CMC1: variants seen among roughly 807,000 people sequenced by gnomAD.
CMC1 encodes the protein COX assembly mitochondrial protein homolog.
A neutral mutation model predicts 14.1 loss-of-function variants in CMC1; 14 were observed. The observed-to-expected ratio is 0.99, with a 90% CI of 0.66 to 1.55. The LOEUF (loss-of-function observed/expected upper bound fraction) is 1.55, where lower values mean the gene tolerates loss of function less well. Ranked by LOEUF, CMC1 falls within the 40% of genes most tolerant of loss-of-function variation. The pLI is 0.00. For missense variants in CMC1, 127 were observed against 123.8 expected (o/e 1.03, Z -0.12); for synonymous variants, 50 against 38.4 (o/e 1.30, Z -1.12).
chr3:28,294,278 A>AC (rs1412369691), intron 2 of CMC1, among the ~76,000 whole-genome samples: 1 of 151,648 alleles, frequency 6.6e-6, no homozygotes, highest in Non-Finnish European at 1.5e-5. Flanking sequence ...TACAAAATTT[A>AC]CCCCCCCTTG....
In CMC1 at chr3:28,324,251, T is replaced by G. The variant is rs766128695; in HGVS notation, c.*4622T>G. On this transcript the variant is annotated 3_prime_UTR_variant, in exon 4 of 4. Coordinates refer to ENST00000466830, the MANE Select transcript of CMC1 (RefSeq NM_182523.2). Reference sequence around the variant, plus strand: ...CATGTACCATCATTAGGAATGGATCTCTCATTGTCTGTCCATGATTGGAGG... The same window carrying G: ...CATGTACCATCATTAGGAATGGATCGCTCATTGTCTGTCCATGATTGGAGG... 1 of 1,610,128 alleles carries G rather than the reference T, an allele frequency of 6.2e-7. No homozygotes were observed.
chr3:28,294,212 CA>C (rs1701628557), intron 2 of CMC1, among the ~76,000 whole-genome samples: 2 of 151,952 alleles, frequency 1.3e-5, no homozygotes, highest in South Asian at 2.1e-4. Flanking sequence ...TGAGCTCTGT[CA>C]AAAAAATTAC....
chr3:28,284,728 TTCTGTGTG>T (rs1701085846), intron 2 of CMC1, among the ~76,000 whole-genome samples: 1 of 150,708 alleles, frequency 6.6e-6, no homozygotes, highest in African/African-American at 2.5e-5. Flanking sequence ...GTTGTTAGAT[TTCTGTGTG>T]TGTGTGTGTG....
intron 1 of CMC1, among the ~76,000 whole-genome samples, chr3:28,257,156 G>C (rs1286067287): frequency 1.3e-5 from 2 of 152,016 alleles, no homozygotes; most frequent in Non-Finnish European, 2.9e-5. Flanking sequence ...TAAGCTAATC[G>C]ATTTTAAATT....
intron 2 of CMC1, among the ~76,000 whole-genome samples, chr3:28,297,672 A>G (rs1701801618): frequency 1.3e-5 from 2 of 152,112 alleles, no homozygotes; most frequent in South Asian, 4.1e-4. Flanking sequence ...AGTGTTTTAG[A>G]AAACAAAGTT....
chr3:28,253,187 TAGTG>T (rs1699219198), intron 1 of CMC1, among the ~76,000 whole-genome samples: 1 of 152,170 alleles, frequency 6.6e-6, no homozygotes, highest in Non-Finnish European at 1.5e-5. Flanking sequence ...GTGAAGCACT[TAGTG>T]AGAACTAACA....
intron 2 of CMC1, 104 bp from the exon 3 acceptor site, chr3:28,316,229 G>C: frequency 1.7e-6 from 1 of 598,470 alleles, no homozygotes; most frequent in South Asian, 2.4e-5. Flanking sequence ...TCCAGCCTGG[G>C]TGACAGGCTT....
At chr3:28,311,906 A>G (rs1702655258) in intron 2 of CMC1, among the ~76,000 whole-genome samples, 1 of 152,170 alleles carries the variant, frequency 6.6e-6, no homozygotes, top group South Asian at 2.1e-4. Flanking sequence ...TAACTGTTCA[A>G]AAGATCTTTT....
chr3:28,288,179 G>T (rs1212860352), intron 2 of CMC1, among the ~76,000 whole-genome samples: 1 of 151,870 alleles, frequency 6.6e-6, no homozygotes, highest in Non-Finnish European at 1.5e-5. Context: ...AGTTTCCTGT[G>T]TAAAATGAAA....
At chr3:28,298,300 T>A (rs1390358085) in intron 2 of CMC1, 7 of 151,694 alleles carry the variant, frequency 4.6e-5, no homozygotes, top group Non-Finnish European at 8.8e-5. Context: ...GTCCTCATAC[T>A]TTTTCTGTGA....
intron 1 of CMC1, among the ~76,000 whole-genome samples, chr3:28,245,838 C>T (rs993970133): frequency 2.6e-5 from 4 of 152,140 alleles, no homozygotes; most frequent in Non-Finnish European, 5.9e-5. Flanking sequence ...ACAGTACTAG[C>T]CCTTACATTT....
At chr3:28,312,311 A>C (rs1352288993) in intron 2 of CMC1, among the ~76,000 whole-genome samples, 1 of 152,226 alleles carries the variant, frequency 6.6e-6, no homozygotes. Flanking sequence ...TTTAAAAATC[A>C]AATTAATGGA....
intron 2 of CMC1, among the ~76,000 whole-genome samples, chr3:28,284,651 C>T (rs912058832): frequency 6.6e-6 from 1 of 152,048 alleles, no homozygotes; most frequent in African/African-American, 2.4e-5. Context: ...ATTTGTGTAT[C>T]TTAAAGTTAC....
At position 28,264,114 on chromosome 3, in the gene CMC1, C is replaced by T. The variant is rs75708845; in HGVS notation, c.109+734C>T. Among the ~76,000 whole-genome samples the T allele has an allele frequency of 9.4e-3, 1,431 of 152,172 alleles. 8 individuals carry two copies. The highest frequency in any genetic ancestry group is 0.023 in the African/African-American group (946 of 41,524). Reference sequence around the variant, plus strand: ...ACTTTAGAAATATCTTTAAAAAATTCTGTCTCTTGGAAGGGCCATCAAAAA... The same window carrying T: ...ACTTTAGAAATATCTTTAAAAAATTTTGTCTCTTGGAAGGGCCATCAAAAA... On this transcript the variant is annotated intron_variant, in intron 2 of 3. Coordinates refer to ENST00000466830, the MANE Select transcript of CMC1 (RefSeq NM_182523.2).
intron 2 of CMC1, among the ~76,000 whole-genome samples, chr3:28,310,551 A>T (rs930547745): frequency 6.6e-6 from 1 of 152,208 alleles, no homozygotes; most frequent in South Asian, 2.1e-4. Flanking sequence ...AATGTAGATA[A>T]TTTTTTCTTT....
chr3:28,252,381 C>T (rs539104653), intron 1 of CMC1, among the ~76,000 whole-genome samples: 1 of 152,254 alleles, frequency 6.6e-6, no homozygotes, highest in South Asian at 2.1e-4. Flanking sequence ...ATGTACTTTC[C>T]GTATTTTGTA....
intron 2 of CMC1, among the ~76,000 whole-genome samples, chr3:28,304,965 C>T (rs1033363620): frequency 2.0e-5 from 3 of 152,022 alleles, no homozygotes; most frequent in Non-Finnish European, 2.9e-5. Flanking sequence ...TTGAGGGGTA[C>T]ATGTGCAGGT....
chr3:28,319,238 A>G, intron 3 of CMC1: 1 of 496,640 alleles, frequency 2.0e-6, no homozygotes, highest in Non-Finnish European at 3.9e-6. Flanking sequence ...ATTTTAATCC[A>G]GTCTTTACTT....
intron 2 of CMC1, among the ~76,000 whole-genome samples, chr3:28,306,560 T>C (rs1036511223): frequency 6.6e-6 from 1 of 152,198 alleles, no homozygotes; most frequent in Non-Finnish European, 1.5e-5. Context: ...CATTTATCAA[T>C]GCAGTAGTCT....
Sources: allele counts gnomAD v4.1 joint callset (sites outside exome capture counted in the v4.1 genomes callset), GRCh38; gene constraint gnomAD v4.1.1; transcripts MANE v1.5; gene names NCBI Gene and HGNC (gene_info 2026-07-23, HGNC 2026-07-21).